MROH2B: variants seen among roughly 807,000 people sequenced by gnomAD.
MROH2B encodes maestro heat like repeat family member 2B.
A neutral mutation model predicts 208.6 loss-of-function variants in MROH2B; 177 were observed. That is an observed-to-expected ratio of 0.85 (90% CI 0.75 to 0.96). The LOEUF (loss-of-function observed/expected upper bound fraction) is 0.96, where lower values mean the gene tolerates loss of function less well. Among genes scored for constraint, MROH2B ranks in the 40% least tolerant of loss-of-function variants. MROH2B has a pLI of 0.00. For missense variants in MROH2B, 2,002 were observed against 1,878.7 expected (o/e 1.07, Z -1.21); for synonymous variants, 728 against 659.0 (o/e 1.10, Z -1.60).
At chr5:41,047,815 G>A in intron 16 of MROH2B, 51 bp from the exon 17 acceptor site, 1 of 1,496,578 alleles carries the variant, frequency 6.7e-7, no homozygotes, top group Non-Finnish European at 9.1e-7. Flanking sequence ...ACCACCCCAA[G>A]ACTCAAATTC....
intron 24 of MROH2B, among the ~76,000 whole-genome samples, chr5:41,024,767 T>C (rs1194967880): frequency 6.6e-6 from 1 of 152,170 alleles, no homozygotes. Flanking sequence ...TATTCCAAAA[T>C]TGACCACATA....
chr5:41,048,306 G>A lies in MROH2B; in HGVS notation c.1684+18C>T. ...GTTCTTGCCCCCTGGGTAAAGACCT[G>A]GCCCCAATCCCTTGTACCTTCCAGA... On this transcript the variant is annotated intron_variant, in intron 16 of 41. Transcript: ENST00000399564. The A allele has an allele frequency of 3.1e-6, 5 of 1,597,316 alleles. No homozygotes were observed. The African/African-American group carries it at 5.4e-5, about 17-fold the overall frequency.
At chr5:41,061,441 GA>G in intron 6 of MROH2B, 128 bp downstream of exon 6, 5 of 811,090 alleles carry the variant, frequency 6.2e-6, no homozygotes, top group Non-Finnish European at 8.9e-6. Context: ...AGAAAAAATT[GA>G]TAAATCTCAT....
At chr5:41,065,825 A>T (rs114049559) in intron 3 of MROH2B, among the ~76,000 whole-genome samples, 1,667 of 152,256 alleles carry the variant, frequency 0.011, 30 homozygotes, top group African/African-American at 0.038. Context: ...CCTACCAAGA[A>T]TCTTTCACCA....
At chr5:41,069,648 G>GGGA in intron 2 of MROH2B, 43 bp downstream of exon 2, 1 of 1,447,146 alleles carries the variant, frequency 6.9e-7, no homozygotes, top group Non-Finnish European at 9.5e-7. Context: ...GTTGCAACAA[G>GGGA]AAGACTGAAA....
At chr5:41,004,257 A>G in intron 37 of MROH2B, 89 bp downstream of exon 37, 3 of 1,448,766 alleles carry the variant, frequency 2.1e-6, no homozygotes, top group East Asian at 2.3e-5. Context: ...TATGGGTGGG[A>G]CACTGACAAT....
chr5:41,066,172 T>C (rs1393723455), intron 3 of MROH2B, among the ~76,000 whole-genome samples: 1 of 152,194 alleles, frequency 6.6e-6, no homozygotes, highest in Non-Finnish European at 1.5e-5. Flanking sequence ...AACTTTGGTT[T>C]TGATGTTAAT....
rs75077521 is a variant in MROH2B at position 40,999,001 on chromosome 5, G to A, written c.4586-324C>T. Among the ~76,000 whole-genome samples the A allele has an allele frequency of 7.7e-3, 1,179 of 152,264 alleles. 41 individuals carry two copies. The East Asian group carries it at 0.13, about 17-fold the overall frequency. ...TCAAAAATTTCATAATGTGTTGGTG[G>A]GGGGATCATATGTATGATTCAAGAA... On this transcript the variant is annotated intron_variant, in intron 40 of 41. Coordinates refer to ENST00000399564, the MANE Select transcript of MROH2B (RefSeq NM_173489.5).
At chr5:41,013,957 G>T (rs777074500) in intron 29 of MROH2B, among the ~76,000 whole-genome samples, 2 of 152,020 alleles carry the variant, frequency 1.3e-5, no homozygotes, top group Non-Finnish European at 2.9e-5. Context: ...CCCTAATTTT[G>T]CTCTTAACAG....
At chr5:41,043,783 T>C (rs540243400) in intron 18 of MROH2B, among the ~76,000 whole-genome samples, 2 of 152,314 alleles carry the variant, frequency 1.3e-5, no homozygotes, top group Non-Finnish European at 1.5e-5. Flanking sequence ...GCTTTTTGAC[T>C]TGCTTTGGCC....
At chr5:41,011,816 T>C (rs1250291287) in intron 30 of MROH2B, among the ~76,000 whole-genome samples, 1 of 152,028 alleles carries the variant, frequency 6.6e-6, no homozygotes, top group Non-Finnish European at 1.5e-5. Context: ...CACAGGTGCT[T>C]GCCACCATGC....
At chr5:41,025,265 C>A (rs926010753) in intron 24 of MROH2B, among the ~76,000 whole-genome samples, 2 of 151,534 alleles carry the variant, frequency 1.3e-5, no homozygotes, top group Non-Finnish European at 2.9e-5. Context: ...TTGAAAAGAT[C>A]AACAAAATTG....
intron 24 of MROH2B, among the ~76,000 whole-genome samples, chr5:41,027,406 G>T (rs1462980130): frequency 6.6e-6 from 1 of 152,062 alleles, no homozygotes; most frequent in African/African-American, 2.4e-5. Flanking sequence ...CTCAAAAGAA[G>T]ACATTTATGC....
At position 41,071,279 on chromosome 5, in the gene MROH2B, T is replaced by C. The variant is rs1743983929; in HGVS notation, c.-427A>G. On this transcript the variant is annotated 5_prime_UTR_variant, in exon 1 of 42. Coordinates refer to ENST00000399564, the MANE Select transcript of MROH2B (RefSeq NM_173489.5). ...CAGTAGTTGCTTTACTGTCCTGATG[T>C]TGGGAAAGGCTTTATGGTGAACTCG... 5.3e-6 allele frequency: 1 copy of C among 187,578 alleles called. No homozygotes were observed. The highest frequency in any genetic ancestry group is 1.1e-5 in the Non-Finnish European group (1 of 90,682). 11.6% of individuals were successfully genotyped at this position (187,578 alleles called of 1,614,324 possible).
rs1348779906 is a variant in MROH2B at position 41,033,880 on chromosome 5, G to A, written c.2215-16C>T. On this transcript the variant is annotated splice_polypyrimidine_tract_variant and intron_variant, in intron 21 of 41. Coordinates refer to ENST00000399564, the MANE Select transcript of MROH2B (RefSeq NM_173489.5). ...TGCCCAGAACCTAAAAAAAATCAAA[G>A]GCAAAATTAGATACTCAATGAGTGG... The A allele has an allele frequency of 3.2e-6, 5 of 1,548,012 alleles. No homozygotes were observed. In the African/African-American group the frequency reaches 4.1e-5, roughly 13 times the overall value.
intron 37 of MROH2B, among the ~76,000 whole-genome samples, chr5:41,001,579 C>T (rs1044397421): frequency 1.4e-4 from 21 of 151,952 alleles, no homozygotes; most frequent in South Asian, 2.1e-4. Flanking sequence ...GGCCTGGTGG[C>T]ACGTGCCTGT....
At chr5:41,054,162 T>A (rs1743372376) in intron 11 of MROH2B, among the ~76,000 whole-genome samples, 1 of 152,116 alleles carries the variant, frequency 6.6e-6, no homozygotes, top group African/African-American at 2.4e-5. Context: ...GTATTTTTAG[T>A]AGAGACGGGG....
At chr5:41,003,854 G>T (rs1741483186) in intron 37 of MROH2B, among the ~76,000 whole-genome samples, 1 of 152,154 alleles carries the variant, frequency 6.6e-6, no homozygotes, top group Non-Finnish European at 1.5e-5. Flanking sequence ...GTGCTTCCTG[G>T]AAGGCATAGA....
At chr5:41,025,804 T>C (rs1246784314) in intron 24 of MROH2B, among the ~76,000 whole-genome samples, 2 of 152,092 alleles carry the variant, frequency 1.3e-5, no homozygotes, top group Non-Finnish European at 2.9e-5. Context: ...ACTGGCAAAC[T>C]GAATCCAGCA....
Sources: allele counts gnomAD v4.1 joint callset (sites outside exome capture counted in the v4.1 genomes callset), GRCh38; gene constraint gnomAD v4.1.1; transcripts MANE v1.5; gene names NCBI Gene and HGNC (gene_info 2026-07-23, HGNC 2026-07-21).